The following KIAA1671 variants were observed in gnomAD, a reference collection of about 807,000 sequenced individuals.
KIAA1671 encodes the protein uncharacterized protein KIAA1671.
A neutral mutation model predicts 131.2 loss-of-function variants in KIAA1671; 52 were observed. That is an observed-to-expected ratio of 0.40 (90% CI 0.32 to 0.50). The LOEUF (loss-of-function observed/expected upper bound fraction) is 0.50. Ranked by LOEUF, KIAA1671 falls within the 20% of genes least tolerant of loss-of-function variation. The pLI is 0.73. For missense variants in KIAA1671, 2,360 were observed against 2,364.2 expected (o/e 1.00, Z 0.04); for synonymous variants, 1,003 against 961.6 (o/e 1.04, Z -0.80).
At chr22:25,099,048 G>C (rs1296836287) in intron 6 of KIAA1671, among the ~76,000 whole-genome samples, 1 of 152,192 alleles carries the variant, frequency 6.6e-6, no homozygotes, top group Non-Finnish European at 1.5e-5. Context: ...TGACGGGGGT[G>C]GGGCGTGGTA....
intron 2 of KIAA1671, among the ~76,000 whole-genome samples, chr22:25,027,349 T>C (rs1385479362): frequency 6.6e-6 from 1 of 152,172 alleles, no homozygotes; most frequent in African/African-American, 2.4e-5. Context: ...CTGAGCTGCA[T>C]TGCTGTGTGA....
intron 1 of KIAA1671, among the ~76,000 whole-genome samples, chr22:24,972,074 G>A (rs1922643862): frequency 6.6e-6 from 1 of 152,006 alleles, no homozygotes; most frequent in African/African-American, 2.4e-5. Context: ...AACTTTCTGT[G>A]GTGTTTATTC....
intron 6 of KIAA1671, among the ~76,000 whole-genome samples, chr22:25,169,128 T>G (rs1348887228): frequency 2.0e-5 from 3 of 152,052 alleles, no homozygotes; most frequent in Non-Finnish European, 4.4e-5. Flanking sequence ...AGACAGTGAC[T>G]GGGGCTGGGC....
At chr22:25,065,298 C>G (rs1286729455) in intron 6 of KIAA1671, 2 of 152,182 alleles carry the variant, frequency 1.3e-5, no homozygotes, top group South Asian at 2.1e-4. Flanking sequence ...AGTAGGCCCA[C>G]AGGGAGAGCA....
At chr22:25,093,737 A>ACACACACACACT (rs1568950992) in intron 6 of KIAA1671, among the ~76,000 whole-genome samples, 3 of 30,138 alleles carry the variant, frequency 1.0e-4, no homozygotes, top group East Asian at 7.7e-4. Flanking sequence ...ACACACACAC[A>ACACACACACACT]CTCTCTCTCT....
intron 6 of KIAA1671, chr22:25,110,858 A>T (rs1302264691): frequency 6.6e-6 from 1 of 152,420 alleles, no homozygotes; most frequent in East Asian, 1.9e-4. Flanking sequence ...GCTGCCCAGG[A>T]CAGGGCAGAT....
intron 1 of KIAA1671, among the ~76,000 whole-genome samples, chr22:24,977,620 G>A (rs576617137): frequency 5.6e-4 from 85 of 152,320 alleles, no homozygotes; most frequent in African/African-American, 2.0e-3. Context: ...GTGCTGACAC[G>A]CCAGGATCTT....
intron 8 of KIAA1671, 70 bp downstream of exon 8, chr22:25,174,559 A>G (rs527442178): frequency 6.9e-7 from 1 of 1,455,904 alleles, no homozygotes; most frequent in Non-Finnish European, 9.1e-7. Context: ...TTGCCACTTC[A>G]GGTGTAGGAT....
chr22:24,981,701 A>C (rs1923243777), intron 1 of KIAA1671, among the ~76,000 whole-genome samples: 1 of 152,210 alleles, frequency 6.6e-6, no homozygotes, highest in Non-Finnish European at 1.5e-5. Flanking sequence ...TTGAGCCAGG[A>C]GTTCAAGATC....
At chr22:25,164,569 A>G (rs562958040) in intron 6 of KIAA1671, among the ~76,000 whole-genome samples, 1 of 152,270 alleles carries the variant, frequency 6.6e-6, no homozygotes, top group South Asian at 2.1e-4. Context: ...TGCAGTCACT[A>G]AGGTGTTTTT....
intron 6 of KIAA1671, among the ~76,000 whole-genome samples, chr22:25,167,476 C>T (rs111669337): frequency 1.3e-5 from 2 of 152,080 alleles, no homozygotes; most frequent in African/African-American, 2.4e-5. Flanking sequence ...ATGCTGCATC[C>T]GAAAAGTGAA....
Position 25,039,444 on chromosome 22 carries a change from C to G in KIAA1671, c.2314C>G (p.Gln772Glu). Reference protein sequence around the residue: ...LRSWLSLKDRQLSQEVTPADL... With the variant: ...LRSWLSLKDRELSQEVTPADL... The stretch of plus-strand genomic sequence containing the variant: ...GTCTTGGCTCTCACTGAAGGACAGG[C>G]AGCTGTCCCAGGAGGTCACCCCTGC... Residue 772 changes from glutamine to glutamate, a missense_variant, in exon 5 of 13, where the codon CAG becomes GAG. Gln to Glu is a conservative substitution (Grantham distance 29, BLOSUM62 2). Around this residue, in one of 3 missense-constraint regions of KIAA1671, gnomAD observed 1,185 missense variants for 1,126.2 expected, o/e 1.05. Transcript: ENST00000358431. 1.3e-6 allele frequency: 2 copies of G among 1,551,800 alleles called. No homozygotes were observed. The highest frequency in any genetic ancestry group is 1.7e-6 in the Non-Finnish European group (2 of 1,147,018).
chr22:24,957,322 C>T (rs1053935598), intron 1 of KIAA1671, among the ~76,000 whole-genome samples: 1 of 152,178 alleles, frequency 6.6e-6, no homozygotes, highest in Non-Finnish European at 1.5e-5. Context: ...TGGAGAACTG[C>T]ATGCCAACTG....
rs541163880 is a variant in KIAA1671, at chr22:25,000,899, G to C, written c.-207-24734G>C. ...TGGCCTCAAGCAATTCTCCTGCCTC[G>C]GCATACCAAAGTGCTGGGATTATAG... On this transcript the variant is annotated intron_variant, in intron 1 of 12. Coordinates refer to ENST00000358431, the MANE Select transcript of KIAA1671 (RefSeq NM_001145206.2). Among the ~76,000 whole-genome samples, 6 of 150,948 alleles carry C rather than the reference G, an allele frequency of 4.0e-5. No homozygotes were observed. The East Asian group carries it at 9.8e-4, about 25-fold the overall frequency.
chr22:25,135,852 A>G (rs1436797650), intron 6 of KIAA1671, among the ~76,000 whole-genome samples: 1 of 152,232 alleles, frequency 6.6e-6, no homozygotes, highest in East Asian at 1.9e-4. Flanking sequence ...GCTGACGTGC[A>G]TTGAGCGCTT....
chr22:25,029,806 T>C (rs2145789487), intron 3 of KIAA1671, among the ~76,000 whole-genome samples: 1 of 152,322 alleles, frequency 6.6e-6, no homozygotes, highest in East Asian at 1.9e-4. Context: ...GTGAGTGAAG[T>C]GGGCGGTATG....
intron 7 of KIAA1671, among the ~76,000 whole-genome samples, chr22:25,173,176 A>G (rs907516809): frequency 9.2e-5 from 14 of 152,164 alleles, no homozygotes; most frequent in Non-Finnish European, 1.8e-4. Context: ...GAGCTCACTC[A>G]CTATCATGAG....
chr22:25,039,501 G>A lies in KIAA1671; in HGVS notation c.2371G>A (p.Gly791Arg). Residue 791 changes from glycine (G) to arginine (R), a missense_variant, in exon 5 of 13, where the codon GGG (glycine) becomes AGG (arginine). By Grantham distance (125) the Gly-to-Arg change is moderately radical. Coordinates refer to ENST00000358431, the MANE Select transcript of KIAA1671 (RefSeq NM_001145206.2). The stretch of plus-strand genomic sequence containing the variant: ...GGAGTGTGGTTTGGAAGGTCAGGCG[G>A]GGTCCGTCCAAAGGGCCAGTTTGAT... ...DLECGLEGQAGSVQRASLIWE... is the reference protein window; with the variant it reads ...DLECGLEGQARSVQRASLIWE... 2.6e-6 allele frequency: 4 copies of A among 1,551,802 alleles called. No homozygotes were observed. The highest frequency in any genetic ancestry group is 3.5e-6 in the Non-Finnish European group (4 of 1,147,008).
At chr22:25,148,025 G>A (rs566834885) in intron 6 of KIAA1671, among the ~76,000 whole-genome samples, 3 of 105,404 alleles carry the variant, frequency 2.8e-5, no homozygotes, top group African/African-American at 1.2e-4. Flanking sequence ...TCTTTCCCTT[G>A]CTACCTCTCT....
Sources: gnomAD v4.1 joint callset for allele counts (sites outside exome capture counted in the v4.1 genomes callset) on GRCh38, gnomAD v4.1.1 for gene constraint, gnomAD v4.1.1 regional missense constraint, MANE v1.5 for transcripts, NCBI Gene and HGNC (gene_info 2026-07-23, HGNC 2026-07-21) for gene names.